Variants in HEATR5B observed in about 807,000 individuals in gnomAD.
HEATR5B encodes the protein HEAT repeat containing 5B.
In HEATR5B, 156 loss-of-function variants were observed where a neutral mutation model predicts 224.1. The observed-to-expected ratio is 0.70, with a 90% CI of 0.61 to 0.80. The LOEUF is 0.80. Ranked by LOEUF, HEATR5B falls within the 30% of genes least tolerant of loss-of-function variation. The probability of loss-of-function intolerance (pLI) is 0.00; values close to 1 mark genes in which losing one functional copy is unlikely to be tolerated. For missense variants in HEATR5B, 2,323 were observed against 2,535.5 expected (o/e 0.92, Z 1.80); for synonymous variants, 1,027 against 893.0 (o/e 1.15, Z -2.68).
chr2:37,044,656 T>C (rs1016676691), intron 18 of HEATR5B, among the ~76,000 whole-genome samples: 2 of 152,226 alleles, frequency 1.3e-5, no homozygotes, highest in African/African-American at 2.4e-5. Flanking sequence ...AAGAGAAGCA[T>C]ATATTTACAT....
intron 33 of HEATR5B, among the ~76,000 whole-genome samples, chr2:36,991,216 G>A (rs1033092781): frequency 6.6e-6 from 1 of 152,064 alleles, no homozygotes; most frequent in Admixed American, 6.6e-5. Flanking sequence ...ATGAAAACCT[G>A]TAAATTCCAT....
rs182967601 is a variant in HEATR5B, at chr2:37,003,774, A to T, written c.4906-88T>A. 794 of 876,842 alleles carry T rather than the reference A, an allele frequency of 9.1e-4. 6 individuals carry two copies. In the African/African-American group the frequency reaches 0.012, roughly 14 times the overall value. The allele number at this position is 876,842 out of a possible 1,614,324, so 54.3% of individuals were successfully genotyped here. A position where few individuals can be genotyped will look rare whatever the true frequency, so the allele number is the denominator to read the frequency against. On this transcript the variant is annotated intron_variant, in intron 30 of 35. Transcript: ENST00000233099. ...TTAAAATCTGAGAAAATACCTATGT[A>T]AAAAAAGAAATCAGGTAGCTAAAAT...
chr2:36,984,216 A>AAAAAAAAAAAAAAAAAATG (rs1665788734), intron 35 of HEATR5B, among the ~76,000 whole-genome samples: 2 of 72,678 alleles, frequency 2.8e-5, no homozygotes, highest in Admixed American at 1.5e-4. Context: ...AAAAAAAAAA[A>AAAAAAAAAAAAAAAAAATG]TATATATATA....
chr2:37,074,490 C>A (rs1263220460), intron 5 of HEATR5B, among the ~76,000 whole-genome samples: 1 of 151,966 alleles, frequency 6.6e-6, no homozygotes, highest in Non-Finnish European at 1.5e-5. Flanking sequence ...CAGGACAAAC[C>A]CTGGTTTACG....
chr2:36,990,565 A>T (rs769654415), intron 34 of HEATR5B, 83 bp downstream of exon 34: 2 of 1,240,332 alleles, frequency 1.6e-6, no homozygotes, highest in Non-Finnish European at 2.2e-6. Context: ...TTCATTATGT[A>T]TCACATATTT....
rs138126969 is a variant in HEATR5B, at chr2:37,058,921, G to T, written c.1916C>A (p.Thr639Asn). Residue 639 changes from threonine (T) to asparagine (N), a missense_variant, in exon 13 of 36, where the codon ACC becomes AAC. Around this residue, in one of 12 missense-constraint regions of HEATR5B, gnomAD observed 502 missense variants for 517.8 expected, o/e 0.97. Transcript: ENST00000233099. Reference protein sequence around the residue: ...LTEDVIRKLMTPIECAMTMMS... With the variant: ...LTEDVIRKLMNPIECAMTMMS... ...CATAGTCATGGCACATTCAATAGGG[G>T]TCATCAATTTTCGAATCACATCTTC... 9 of 1,610,148 alleles carry T rather than the reference G, an allele frequency of 5.6e-6. No individual in the cohort carries two copies. The highest frequency in any genetic ancestry group is 5.9e-6 in the Non-Finnish European group (7 of 1,177,492).
chr2:37,058,877 C>T lies in HEATR5B; in HGVS notation c.1949+11G>A, dbSNP rs754216646. 7.9e-6 allele frequency: 12 copies of T among 1,516,826 alleles called. No homozygotes were observed. Among genetic ancestry groups the T allele is most frequent in the Middle Eastern group, 3.4e-4 (2 of 5,856 alleles). The allele number at this position is 1,516,826 out of a possible 1,614,324, so 94.0% of individuals were successfully genotyped here. ...AAATAGGATGTGAACTTGTCTCAATCGCTTACTTACTGTGACATCATAGTC... is the reference window on the plus strand; with the variant it reads ...AAATAGGATGTGAACTTGTCTCAATTGCTTACTTACTGTGACATCATAGTC... On this transcript the variant is annotated intron_variant, in intron 13 of 35. Coordinates refer to ENST00000233099, the MANE Select transcript of HEATR5B (RefSeq NM_019024.3).
At chr2:36,989,898 CCTTT>C (rs1666206011) in intron 34 of HEATR5B, among the ~76,000 whole-genome samples, 1 of 104,534 alleles carries the variant, frequency 9.6e-6, no homozygotes, top group Non-Finnish European at 2.0e-5. Flanking sequence ...AAGAATGTTT[CCTTT>C]TTTTTTTTTT....
rs761887493 is a variant in HEATR5B at position 37,065,882 on chromosome 2, T to A, written c.1206A>T (p.Glu402Asp). 50 of 1,613,134 alleles carry A rather than the reference T, an allele frequency of 3.1e-5. No individual in the cohort carries two copies. The South Asian group carries it at 5.3e-4, about 17-fold the overall frequency. The change falls in exon 9 of 36, where the codon GAA becomes GAT. Residue 402 changes from glutamate to aspartate, a missense_variant. This residue lies in a region of HEATR5B where 502 missense variants were observed against 517.8 expected (regional missense o/e 0.97). Transcript: ENST00000233099. The stretch of plus-strand genomic sequence containing the variant: ...CAATGTCTGCTGCGCCAGATTTGTT[T>A]TCTCCACTTGTGTCATTCACTACTG... ...VEAVVNDTSG[E>D]NKSGAADIAA...
chr2:37,029,122 G>A (rs1176366447), intron 22 of HEATR5B, among the ~76,000 whole-genome samples: 4 of 152,124 alleles, frequency 2.6e-5, no homozygotes, highest in African/African-American at 9.7e-5. Flanking sequence ...ACCTCGAACT[G>A]TAAAACTGAT....
intron 14 of HEATR5B, 124 bp from the exon 15 acceptor site, chr2:37,057,604 T>A: frequency 3.5e-6 from 2 of 574,910 alleles, no homozygotes; most frequent in Non-Finnish European, 2.9e-6. Flanking sequence ...TTCTCTTCTT[T>A]AAAAAAAATC....
intron 4 of HEATR5B, 119 bp from the exon 5 acceptor site, chr2:37,075,753 A>G (rs1672190632): frequency 5.0e-6 from 3 of 595,124 alleles, no homozygotes; most frequent in Admixed American, 3.5e-5. Flanking sequence ...TAAACGGTAA[A>G]TAATGAAAAG....
intron 24 of HEATR5B, among the ~76,000 whole-genome samples, chr2:37,022,915 A>G (rs1476994352): frequency 6.6e-6 from 1 of 152,216 alleles, no homozygotes; most frequent in Non-Finnish European, 1.5e-5. Flanking sequence ...ATCTAATAAA[A>G]AATTACCAAG....
At chr2:37,071,780 G>C (rs1332156406) in intron 6 of HEATR5B, among the ~76,000 whole-genome samples, 1 of 151,868 alleles carries the variant, frequency 6.6e-6, no homozygotes, top group Non-Finnish European at 1.5e-5. Flanking sequence ...TGCTGCCCGG[G>C]TTCATGCGAT....
chr2:37,066,466 T>C (rs370405784), intron 8 of HEATR5B, among the ~76,000 whole-genome samples: 1 of 152,352 alleles, frequency 6.6e-6, no homozygotes. Flanking sequence ...ATATTGGAGG[T>C]ATCTGTTAAA....
At chr2:37,052,019 C>T (rs1670584390) in intron 17 of HEATR5B, among the ~76,000 whole-genome samples, 1 of 152,196 alleles carries the variant, frequency 6.6e-6, no homozygotes, top group Non-Finnish European at 1.5e-5. Flanking sequence ...GGATTACAGG[C>T]ATAAGCCACC....
At chr2:36,988,625 T>A (rs771234566) in intron 35 of HEATR5B, 21 bp downstream of exon 35, 3 of 1,576,532 alleles carry the variant, frequency 1.9e-6, no homozygotes, top group Non-Finnish European at 2.6e-6. Context: ...AACTAGTAGC[T>A]TTTTATAAGA....
intron 34 of HEATR5B, 68 bp downstream of exon 34, chr2:36,990,580 G>A (rs1666260951): frequency 7.5e-7 from 1 of 1,338,208 alleles, no homozygotes; most frequent in African/African-American, 1.5e-5. Flanking sequence ...ATATTTTAAT[G>A]AATCAATCTG....
intron 17 of HEATR5B, among the ~76,000 whole-genome samples, chr2:37,052,923 C>T (rs1048327275): frequency 7.9e-5 from 12 of 152,062 alleles, no homozygotes; most frequent in African/African-American, 2.9e-4. Flanking sequence ...CGGGAAATTT[C>T]CATTTAATAT....
Sources: allele counts gnomAD v4.1 joint callset (sites outside exome capture counted in the v4.1 genomes callset), GRCh38; gene constraint gnomAD v4.1.1; regional missense constraint gnomAD v4.1.1; transcripts MANE v1.5; gene names NCBI Gene and HGNC (gene_info 2026-07-23, HGNC 2026-07-21).